The following IFI16 variants were observed in gnomAD, a reference collection of about 807,000 sequenced individuals.
The protein encoded by IFI16 is gamma-interferon-inducible protein 16.
IFI16 carries 49 observed loss-of-function variants against 68.4 expected under a neutral mutation model. That is an observed-to-expected ratio of 0.72 (90% CI 0.57 to 0.91). IFI16 has a LOEUF of 0.91. Ranked by LOEUF, IFI16 falls within the 40% of genes least tolerant of loss-of-function variation. IFI16 has a pLI of 0.00. For synonymous variants in IFI16, 307 were observed against 315.0 expected (o/e 0.97, Z 0.27); for missense variants, 878 against 942.9 (o/e 0.93, Z 0.90).
At chr1:159,035,088 C>G (rs750890618) in intron 7 of IFI16, among the ~76,000 whole-genome samples, 3 of 152,194 alleles carry the variant, frequency 2.0e-5, no homozygotes, top group Non-Finnish European at 4.4e-5. Context: ...TCTGACCCAG[C>G]AGCAGATACC....
chr1:159,032,441 A>G, intron 6 of IFI16, 83 bp from the exon 7 acceptor site: 1 of 813,722 alleles, frequency 1.2e-6, no homozygotes. Context: ...AAAATCTAAT[A>G]AAGGATGATA....
intron 8 of IFI16, among the ~76,000 whole-genome samples, chr1:159,046,854 C>G (rs1369418396): frequency 6.6e-6 from 1 of 151,282 alleles, no homozygotes; most frequent in Non-Finnish European, 1.5e-5. Context: ...GAGCATTTAT[C>G]ATAGCTATAA....
At chr1:159,043,791 TCAAA>T (rs1245949593) in intron 7 of IFI16, among the ~76,000 whole-genome samples, 1 of 152,232 alleles carries the variant, frequency 6.6e-6, no homozygotes, top group African/African-American at 2.4e-5. Context: ...AAAATATTAT[TCAAA>T]CAAAGATTAT....
intron 7 of IFI16, among the ~76,000 whole-genome samples, chr1:159,037,018 A>C (rs72709523): frequency 0.037 from 5,598 of 152,286 alleles, 115 homozygotes; most frequent in Non-Finnish European, 0.046. Flanking sequence ...ACCTATCATG[A>C]CTGTTTGCCA....
intron 4 of IFI16, among the ~76,000 whole-genome samples, chr1:159,017,753 G>A (rs545447113): frequency 9.2e-5 from 14 of 152,146 alleles, no homozygotes; most frequent in South Asian, 2.1e-4. Flanking sequence ...GATTACAAGC[G>A]CCTGCCACTA....
At position 159,014,769 on chromosome 1, in the gene IFI16, G is replaced by A. The variant is rs1166506594; in HGVS notation, c.89G>A (p.Ser30Asn). ...YHFRMVKSLL[S>N]NDLKLNLKMR... ...TTTAGAATGGTTAAGTCCTTACTGAGCAACGATTTAAAACTTAATTTAAAA... is the reference window on the plus strand; with the variant it reads ...TTTAGAATGGTTAAGTCCTTACTGAACAACGATTTAAAACTTAATTTAAAA... The change falls in exon 2 of 12, where the codon AGC becomes AAC. Residue 30 changes from serine (S) to asparagine (N), a missense_variant. Physicochemically the swap from Ser to Asn is conservative, Grantham distance 46 (BLOSUM62 1). This residue lies in a region of IFI16 where 65 missense variants were observed against 96.9 expected (regional missense o/e 0.67). Transcript: ENST00000295809. The A allele has an allele frequency of 3.7e-6, 6 of 1,612,556 alleles. No homozygotes were observed. In the African/African-American group the frequency reaches 4.0e-5, roughly 11 times the overall value.
At chr1:159,003,882 G>A (rs1488016524), upstream of IFI16, among the ~76,000 whole-genome samples, 4 of 151,674 alleles carry the variant, frequency 2.6e-5, no homozygotes, top group Non-Finnish European at 5.9e-5. Flanking sequence ...GGATGGTCTC[G>A]ATCTCCTGAC....
upstream of IFI16, among the ~76,000 whole-genome samples, chr1:159,007,517 A>G (rs1290096701): frequency 6.6e-6 from 1 of 152,220 alleles, no homozygotes; most frequent in East Asian, 1.9e-4. Context: ...AACACTAACT[A>G]GGCGCCTAGT....
chr1:159,044,142 T>G (rs1400444466), intron 7 of IFI16, among the ~76,000 whole-genome samples: 1 of 152,180 alleles, frequency 6.6e-6, no homozygotes, highest in East Asian at 1.9e-4. Context: ...ACCTAAATTA[T>G]TCTTTATAAC....
At position 159,052,095 on chromosome 1, in the gene IFI16, T is replaced by C; in HGVS notation, c.2082T>C (p.His694=). Residue 694 remains histidine (H), a synonymous_variant, in exon 10 of 12, where the codon CAT becomes CAC. Transcript: ENST00000295809. ...GSFVNGVFEV[H]KKNVRGEFTY... ...TTGTGAATGGGGTGTTTGAGGTACA[T>C]AAGGTAAGCCCACACCATTGTTTTA... 1 of 1,608,514 alleles carries C rather than the reference T, an allele frequency of 6.2e-7. No individual in the cohort carries two copies. The highest frequency in any genetic ancestry group is 8.5e-7 in the Non-Finnish European group (1 of 1,178,590).
At chr1:159,034,508 C>T (rs1616024) in intron 7 of IFI16, among the ~76,000 whole-genome samples, 114,295 of 152,126 alleles carry the variant, frequency 0.75, 44,997 homozygotes, top group Admixed American at 0.87. Flanking sequence ...CCTTTCACTT[C>T]GTTCATGACC....
chr1:159,034,556 T>C (rs1654204026), intron 7 of IFI16, among the ~76,000 whole-genome samples: 1 of 152,226 alleles, frequency 6.6e-6, no homozygotes, highest in African/African-American at 2.4e-5. Flanking sequence ...GATGGTCTTT[T>C]CCAAATGAGA....
intron 7 of IFI16, among the ~76,000 whole-genome samples, chr1:159,034,890 C>G (rs1427093795): frequency 2.0e-5 from 3 of 152,234 alleles, no homozygotes; most frequent in Non-Finnish European, 2.9e-5. Context: ...AAAGTCAGTT[C>G]ATGCTATGTG....
At chr1:159,038,780 C>CT (rs1406380308) in intron 7 of IFI16, among the ~76,000 whole-genome samples, 1 of 152,162 alleles carries the variant, frequency 6.6e-6, no homozygotes, top group Admixed American at 6.5e-5. Context: ...TGGGAATGCC[C>CT]TAGTGCAATT....
chr1:159,053,898 T>A (rs969504864), intron 11 of IFI16, among the ~76,000 whole-genome samples, 174 bp downstream of exon 11: 11 of 152,166 alleles, frequency 7.2e-5, no homozygotes, highest in Non-Finnish European at 1.2e-4. Flanking sequence ...ATACTTGTAA[T>A]CATAATAAAA....
intron 4 of IFI16, among the ~76,000 whole-genome samples, chr1:159,017,812 T>G (rs920825877): frequency 3.3e-5 from 5 of 152,186 alleles, no homozygotes; most frequent in African/African-American, 1.2e-4. Flanking sequence ...TTCACCATGT[T>G]GGCCAGGCTG....
At chr1:159,049,262 T>TGA (rs1033090394) in intron 8 of IFI16, among the ~76,000 whole-genome samples, 170 bp from the exon 9 acceptor site, 1 of 145,138 alleles carries the variant, frequency 6.9e-6, no homozygotes, top group African/African-American at 2.7e-5. Context: ...GAAGGCTGAG[T>TGA]GATAGAAGTA....
At chr1:159,000,558 G>A (rs768469031) in intron 1 of IFI16, among the ~76,000 whole-genome samples, 2 of 151,996 alleles carry the variant, frequency 1.3e-5, no homozygotes, top group Non-Finnish European at 2.9e-5. Context: ...TTAGAAAATG[G>A]GATCCATTTT....
At chr1:159,039,607 G>A (rs929449596) in intron 7 of IFI16, among the ~76,000 whole-genome samples, 2 of 152,134 alleles carry the variant, frequency 1.3e-5, no homozygotes, top group African/African-American at 2.4e-5. Context: ...GCCTCCCAAA[G>A]TGTTGGGATT....
Sources: allele counts gnomAD v4.1 joint callset (sites outside exome capture counted in the v4.1 genomes callset), GRCh38; gene constraint gnomAD v4.1.1; regional missense constraint gnomAD v4.1.1; transcripts MANE v1.5; gene names NCBI Gene and HGNC (gene_info 2026-07-23, HGNC 2026-07-21).